ADAMTSL3: variants seen among roughly 807,000 people sequenced by gnomAD.
ADAMTSL3 encodes the protein ADAMTS like 3, also known as ADAMTS-like protein 3.
ADAMTSL3 carries 128 observed loss-of-function variants against 201.7 expected under a neutral mutation model. The ratio of observed to expected loss-of-function variants is 0.63; its 90% CI spans 0.55 to 0.73. ADAMTSL3 has a LOEUF of 0.73. Among genes scored for constraint, ADAMTSL3 ranks in the 30% least tolerant of loss-of-function variants. ADAMTSL3 has a pLI of 0.00. For synonymous variants in ADAMTSL3, 738 were observed against 748.4 expected (o/e 0.99, Z 0.23); for missense variants, 1,990 against 2,119.6 (o/e 0.94, Z 1.20).
At position 83,820,063 on chromosome 15, in the gene ADAMTSL3, T is replaced by G; in HGVS notation, c.600+16T>G. 6.2e-7 allele frequency: 1 copy of G among 1,600,686 alleles called. No individual in the cohort carries two copies. The highest frequency in any genetic ancestry group is 8.6e-7 in the Non-Finnish European group (1 of 1,167,872). The stretch of plus-strand genomic sequence containing the variant: ...CATCTGTCAGGTAAGCACACTTACC[T>G]CCCAATCCCCTGCTTTGGGGATGTG... On this transcript the variant is annotated intron_variant, in intron 6 of 29. Coordinates refer to ENST00000286744, the MANE Select transcript of ADAMTSL3 (RefSeq NM_207517.3).
chr15:83,710,180 A>G (rs992130651), intron 3 of ADAMTSL3, among the ~76,000 whole-genome samples: 2 of 152,184 alleles, frequency 1.3e-5, no homozygotes, highest in Admixed American at 1.3e-4. Context: ...CTCATGTTGG[A>G]GAGGTCCTTT....
chr15:83,774,670 G>T (rs2063041631), intron 4 of ADAMTSL3, among the ~76,000 whole-genome samples: 1 of 152,170 alleles, frequency 6.6e-6, no homozygotes, highest in South Asian at 2.1e-4. Flanking sequence ...GATTATTCTT[G>T]CAAAGAGAAT....
chr15:83,877,880 TG>T (rs1224855768), intron 9 of ADAMTSL3, among the ~76,000 whole-genome samples: 1 of 152,190 alleles, frequency 6.6e-6, no homozygotes, highest in East Asian at 1.9e-4. Flanking sequence ...TATTTGTTTC[TG>T]GGGTGTGGAA....
At chr15:84,002,226 T>G (rs886879473) in intron 23 of ADAMTSL3, among the ~76,000 whole-genome samples, 1 of 152,164 alleles carries the variant, frequency 6.6e-6, no homozygotes, top group African/African-American at 2.4e-5. Flanking sequence ...GAGGGGCTCT[T>G]CAAACACCTA....
At chr15:83,881,044 CTG>C (rs1174597365) in intron 9 of ADAMTSL3, among the ~76,000 whole-genome samples, 3 of 152,100 alleles carry the variant, frequency 2.0e-5, no homozygotes, top group Non-Finnish European at 4.4e-5. Flanking sequence ...TATTGATACT[CTG>C]TTAAAATCCC....
chr15:83,781,172 G>A (rs767522856), intron 4 of ADAMTSL3, among the ~76,000 whole-genome samples: 69 of 152,010 alleles, frequency 4.5e-4, no homozygotes, highest in Admixed American at 2.1e-3. Context: ...TAAACAAAAA[G>A]AACAAAGCTG....
At chr15:83,889,762 G>A (rs1163536781) in intron 10 of ADAMTSL3, among the ~76,000 whole-genome samples, 3 of 152,122 alleles carry the variant, frequency 2.0e-5, no homozygotes, top group African/African-American at 7.2e-5. Flanking sequence ...GGAGACTATT[G>A]TCATTTTTTA....
intron 19 of ADAMTSL3, among the ~76,000 whole-genome samples, chr15:83,950,631 A>G (rs2066739765): frequency 6.6e-6 from 1 of 152,118 alleles, no homozygotes; most frequent in Admixed American, 6.6e-5. Context: ...CTTCCAACCC[A>G]TGAACATGGA....
rs148286288 is a variant in ADAMTSL3, at chr15:84,035,016, G to A, written c.4755-1757G>A. Reference sequence around the variant, plus strand: ...CTGTCCCTGGCCAGGAGGAAGTTACGCCCTCTACTGGACAGACCTTGCTTT... The same window carrying A: ...CTGTCCCTGGCCAGGAGGAAGTTACACCCTCTACTGGACAGACCTTGCTTT... On this transcript the variant is annotated intron_variant, in intron 28 of 29. Coordinates refer to ENST00000286744, the MANE Select transcript of ADAMTSL3 (RefSeq NM_207517.3). 4.3e-3 allele frequency among the ~76,000 whole-genome samples: 662 copies of A among 152,246 alleles called. 2 individuals are homozygous for A. The highest frequency in any genetic ancestry group is 7.2e-3 in the Non-Finnish European group (490 of 68,016).
chr15:83,951,396 G>A (rs1226186140), intron 19 of ADAMTSL3, among the ~76,000 whole-genome samples: 1 of 152,056 alleles, frequency 6.6e-6, no homozygotes, highest in East Asian at 1.9e-4. Context: ...ATCTTTTACT[G>A]TGTTGTTGAA....
chr15:83,714,894 C>T (rs1325892408), intron 3 of ADAMTSL3, among the ~76,000 whole-genome samples: 2 of 51,594 alleles, frequency 3.9e-5, no homozygotes, highest in Non-Finnish European at 6.8e-5. Flanking sequence ...TCCTTCCTTC[C>T]TTCCTTCCTT....
intron 17 of ADAMTSL3, among the ~76,000 whole-genome samples, chr15:83,928,832 C>T (rs1301042830): frequency 2.0e-5 from 3 of 152,202 alleles, no homozygotes; most frequent in Non-Finnish European, 4.4e-5. Flanking sequence ...TTTTCCCCCA[C>T]TTTATCATGA....
At chr15:83,761,244 C>CT (rs1461090425) in intron 3 of ADAMTSL3, among the ~76,000 whole-genome samples, 1 of 152,196 alleles carries the variant, frequency 6.6e-6, no homozygotes, top group African/African-American at 2.4e-5. Context: ...CCTTAGGATA[C>CT]TTTAAGGCCA....
chr15:84,008,722 A>C (rs2067945415), intron 23 of ADAMTSL3, among the ~76,000 whole-genome samples: 1 of 152,158 alleles, frequency 6.6e-6, no homozygotes, highest in Admixed American at 6.5e-5. Flanking sequence ...CCTAAGCTCT[A>C]GATTAACATG....
At chr15:83,789,048 T>G (rs2141819481) in intron 4 of ADAMTSL3, among the ~76,000 whole-genome samples, 1 of 152,272 alleles carries the variant, frequency 6.6e-6, no homozygotes, top group Admixed American at 6.5e-5. Context: ...TGACCTCAGG[T>G]GATCTGCCAG....
At chr15:83,696,600 A>G (rs551641911) in intron 2 of ADAMTSL3, among the ~76,000 whole-genome samples, 33 of 152,320 alleles carry the variant, frequency 2.2e-4, no homozygotes, top group Non-Finnish European at 4.4e-4. Context: ...CTGTCAGTGT[A>G]GATTTGAAGC....
intron 7 of ADAMTSL3, among the ~76,000 whole-genome samples, chr15:83,853,444 A>G (rs1324264902): frequency 1.3e-5 from 2 of 152,220 alleles, no homozygotes; most frequent in Non-Finnish European, 2.9e-5. Context: ...AGCATTAAGC[A>G]TATTAATCAT....
In ADAMTSL3 at chr15:83,819,719, G is replaced by A. The variant is rs2063828293; in HGVS notation, c.364-92G>A. On this transcript the variant is annotated intron_variant, in intron 5 of 29. Coordinates refer to ENST00000286744, the MANE Select transcript of ADAMTSL3 (RefSeq NM_207517.3). ...ACTCCCAGAGAGAGGCAAGTGAGGT[G>A]TGGTCTCATGAGATTCTGGTGAACT... is the stretch of plus-strand genomic sequence containing the variant. 6.2e-6 allele frequency: 6 copies of A among 971,324 alleles called. No homozygotes were observed. The South Asian group carries it at 7.0e-5, about 11-fold the overall frequency. The allele number at this position is 971,324 out of a possible 1,614,324, so 60.2% of individuals were successfully genotyped here. A position where few individuals can be genotyped will look rare whatever the true frequency, so the allele number is the denominator to read the frequency against.
rs879149949 is a variant in ADAMTSL3 at position 83,773,408 on chromosome 15, TAAAA to T, written c.190-107_190-104del. The T allele has an allele frequency of 2.9e-5, 28 of 977,018 alleles. No individual in the cohort carries two copies. The African/African-American group carries it at 4.5e-4, about 16-fold the overall frequency. 60.5% of individuals were successfully genotyped at this position (977,018 alleles called of 1,614,324 possible). ...AATAAGATCGAAGCTCTGTCTCAAT[TAAAA>T]AAAAAAAGGTGACTCTGGAATAACT... On this transcript the variant is annotated intron_variant, in intron 3 of 29. Coordinates refer to ENST00000286744, the MANE Select transcript of ADAMTSL3 (RefSeq NM_207517.3).
Sources: allele counts gnomAD v4.1 joint callset (sites outside exome capture counted in the v4.1 genomes callset), GRCh38; gene constraint gnomAD v4.1.1; transcripts MANE v1.5; gene names NCBI Gene and HGNC (gene_info 2026-07-23, HGNC 2026-07-21).